Variants in PTPRN2 observed in about 807,000 individuals in gnomAD.
PTPRN2 encodes the protein receptor-type tyrosine-protein phosphatase N2.
PTPRN2 carries 74 observed loss-of-function variants against 118.8 expected under a neutral mutation model. That is an observed-to-expected ratio of 0.62 (90% CI 0.52 to 0.76). The LOEUF is 0.76. PTPRN2 is among the 30% of genes least tolerant of loss of function. PTPRN2 has a pLI of 0.00. For missense variants in PTPRN2, 1,481 were observed against 1,394.4 expected (o/e 1.06, Z -0.99); for synonymous variants, 641 against 608.0 (o/e 1.05, Z -0.80).
Position 157,656,221 on chromosome 7 carries a change from G to A in PTPRN2, c.2196+136C>T, listed in dbSNP as rs898742777. On this transcript the variant is annotated intron_variant, in intron 14 of 22. Transcript: ENST00000389418. ...CCTGCAGAAAGAGCCCTGCCTGTCAGCCTCTGCAGCGGGCAGGGTGCAGCC... is the reference window on the plus strand; with the variant it reads ...CCTGCAGAAAGAGCCCTGCCTGTCAACCTCTGCAGCGGGCAGGGTGCAGCC... 9 of 836,252 alleles carry A rather than the reference G, an allele frequency of 1.1e-5. No homozygotes were observed. The African/African-American group carries it at 1.4e-4, about 13-fold the overall frequency. 51.8% of individuals were successfully genotyped at this position (836,252 alleles called of 1,614,324 possible). A position where few individuals can be genotyped will look rare whatever the true frequency, so the allele number is the denominator to read the frequency against.
intron 22 of PTPRN2, among the ~76,000 whole-genome samples, chr7:157,541,509 C>T (rs988858207): frequency 1.3e-5 from 2 of 152,278 alleles, no homozygotes; most frequent in African/African-American, 2.4e-5. Context: ...CAGGGCTTAG[C>T]GCCGGAGAGC....
chr7:158,045,257 C>T (rs539745902), intron 11 of PTPRN2, among the ~76,000 whole-genome samples: 2 of 152,316 alleles, frequency 1.3e-5, no homozygotes, highest in Admixed American at 6.5e-5. Flanking sequence ...GCAACAAATC[C>T]GTGAGGCTGA....
intron 14 of PTPRN2, among the ~76,000 whole-genome samples, chr7:157,643,017 A>G (rs922727821): frequency 3.9e-5 from 6 of 152,138 alleles, no homozygotes; most frequent in African/African-American, 1.4e-4. Context: ...GGTCGTAAAT[A>G]TACAGGTAGT....
chr7:158,221,931 T>C (rs1286647651), intron 3 of PTPRN2, among the ~76,000 whole-genome samples: 1 of 152,164 alleles, frequency 6.6e-6, no homozygotes, highest in African/African-American at 2.4e-5. Flanking sequence ...GAACAGACAC[T>C]TCTTAAAAGA....
chr7:158,305,988 T>TA (rs1266982299), intron 3 of PTPRN2, among the ~76,000 whole-genome samples: 1 of 152,132 alleles, frequency 6.6e-6, no homozygotes, highest in African/African-American at 2.4e-5. Context: ...AGGGTGGGGT[T>TA]AGAGTGCCTT....
chr7:158,332,512 G>C (rs1341367460), intron 2 of PTPRN2, among the ~76,000 whole-genome samples: 1 of 147,978 alleles, frequency 6.8e-6, no homozygotes, highest in African/African-American at 2.5e-5. Context: ...CACCATAAGA[G>C]CTGAGGCACA....
At chr7:158,136,767 G>C in intron 7 of PTPRN2, 72 bp from the exon 8 acceptor site, 1 of 1,481,516 alleles carries the variant, frequency 6.7e-7, no homozygotes, top group Middle Eastern at 1.7e-4. Flanking sequence ...ACATAAAAAG[G>C]GTGACCCTGC....
chr7:158,320,418 G>A (rs1337961940), intron 2 of PTPRN2, among the ~76,000 whole-genome samples: 3 of 150,790 alleles, frequency 2.0e-5, no homozygotes, highest in Admixed American at 1.3e-4. Flanking sequence ...CACCCCCATC[G>A]CCCATGTCCT....
intron 14 of PTPRN2, among the ~76,000 whole-genome samples, chr7:157,652,232 G>A (rs1053246603): frequency 1.2e-4 from 19 of 152,208 alleles, no homozygotes; most frequent in Non-Finnish European, 2.6e-4. Context: ...CAAAGGCCCC[G>A]CCGGGCTCTG....
intron 10 of PTPRN2, among the ~76,000 whole-genome samples, chr7:158,103,157 A>G (rs1815382228): frequency 1.3e-5 from 2 of 152,108 alleles, no homozygotes; most frequent in East Asian, 1.9e-4. Context: ...GCTCCCACTT[A>G]CCACCTGTGG....
At chr7:157,836,822 C>T (rs574512752) in intron 12 of PTPRN2, among the ~76,000 whole-genome samples, 5 of 152,134 alleles carry the variant, frequency 3.3e-5, no homozygotes, top group Non-Finnish European at 5.9e-5. Context: ...AATTGTGTCA[C>T]CAAATCTACA....
intron 6 of PTPRN2, among the ~76,000 whole-genome samples, chr7:158,139,555 A>G (rs1819181131): frequency 2.0e-5 from 3 of 152,088 alleles, no homozygotes; most frequent in Non-Finnish European, 4.4e-5. Flanking sequence ...CAAATCTGGG[A>G]AGGATTGTCA....
intron 2 of PTPRN2, among the ~76,000 whole-genome samples, chr7:158,353,637 T>C (rs1808172506): frequency 6.6e-6 from 1 of 151,898 alleles, no homozygotes; most frequent in Admixed American, 6.6e-5. Flanking sequence ...AACCCAGAGG[T>C]GAGGATGAGT....
At chr7:157,662,334 T>C (rs956715236) in intron 13 of PTPRN2, among the ~76,000 whole-genome samples, 2 of 152,222 alleles carry the variant, frequency 1.3e-5, no homozygotes, top group Non-Finnish European at 2.9e-5. Context: ...AGGTTTGCTA[T>C]GGTCCCTTGC....
chr7:158,244,795 G>C (rs1796105543), intron 3 of PTPRN2, among the ~76,000 whole-genome samples: 1 of 150,910 alleles, frequency 6.6e-6, no homozygotes, highest in Non-Finnish European at 1.5e-5. Context: ...TTGTGTGAGT[G>C]TGAGTTGTGT....
At chr7:157,789,462 A>C (rs1460857566) in intron 12 of PTPRN2, among the ~76,000 whole-genome samples, 1 of 152,220 alleles carries the variant, frequency 6.6e-6, no homozygotes, top group Non-Finnish European at 1.5e-5. Context: ...TTCAGCTCTC[A>C]GGAGGCTCGT....
At chr7:157,797,813 T>C (rs781780260) in intron 12 of PTPRN2, among the ~76,000 whole-genome samples, 10 of 152,358 alleles carry the variant, frequency 6.6e-5, no homozygotes, top group Non-Finnish European at 8.8e-5. Flanking sequence ...CCTGAATCTT[T>C]GTCTTTAGCA....
intron 3 of PTPRN2, among the ~76,000 whole-genome samples, chr7:158,292,810 G>A (rs1379947374): frequency 6.6e-6 from 1 of 152,214 alleles, no homozygotes; most frequent in Non-Finnish European, 1.5e-5. Flanking sequence ...GCTCACGCCT[G>A]TAATCCCAGC....
In PTPRN2 at chr7:157,964,569, G is replaced by A. The variant is rs373472599; in HGVS notation, c.1724-65832C>T. Among the ~76,000 whole-genome samples the A allele has an allele frequency of 1.2e-3, 180 of 152,246 alleles. No individual in the cohort carries two copies. Among genetic ancestry groups the A allele is most frequent in the African/African-American group, 4.0e-3 (166 of 41,550 alleles). ...GTCAAAACAGTTCATCCACAACCCCGTGCAGGCCACAACACAGGAGCAGGT... is the reference window on the plus strand; with the variant it reads ...GTCAAAACAGTTCATCCACAACCCCATGCAGGCCACAACACAGGAGCAGGT... On this transcript the variant is annotated intron_variant, in intron 11 of 22. Coordinates refer to ENST00000389418, the MANE Select transcript of PTPRN2 (RefSeq NM_002847.5). This position sits in a 1 kb window ranked among gnomAD's most constrained non-coding sequence, Gnocchi z 9.0.
Sources: gnomAD v4.1 joint callset for allele counts (sites outside exome capture counted in the v4.1 genomes callset) on GRCh38, gnomAD v4.1.1 for gene constraint, Gnocchi (gnomAD v3.1) non-coding constraint, MANE v1.5 for transcripts, NCBI Gene and HGNC (gene_info 2026-07-23, HGNC 2026-07-21) for gene names.